Variants in PLPPR1 observed in about 807,000 individuals in gnomAD.
PLPPR1 encodes the protein phospholipid phosphatase related 1, also known as phospholipid phosphatase-related protein type 1.
Under a neutral mutation model 33.1 loss-of-function variants are expected in PLPPR1, and 10 were observed. The ratio of observed to expected loss-of-function variants is 0.30; its 90% CI spans 0.19 to 0.51. PLPPR1 has a LOEUF of 0.51. PLPPR1 is among the 20% of genes least tolerant of loss of function. The probability of loss-of-function intolerance (pLI) is 0.97; values close to 1 mark genes in which losing one functional copy is unlikely to be tolerated. For synonymous variants in PLPPR1, 151 were observed against 151.0 expected, an observed-to-expected ratio of 1.00 and a Z score of 0.00; for missense variants, 304 against 408.1, an observed-to-expected ratio of 0.74 and a Z score of 2.20.
chr9:101,181,839 A>C (rs1282199227), intron 1 of PLPPR1, among the ~76,000 whole-genome samples: 1 of 147,544 alleles, frequency 6.8e-6, no homozygotes, highest in East Asian at 2.0e-4. Flanking sequence ...TAGTATATAT[A>C]TAGTGTGCAT....
intron 4 of PLPPR1, among the ~76,000 whole-genome samples, chr9:101,289,674 T>C (rs1828457846): frequency 1.3e-5 from 2 of 152,228 alleles, no homozygotes; most frequent in Non-Finnish European, 2.9e-5. Flanking sequence ...TCATTTTCTC[T>C]CTTTGCCCAC....
chr9:101,139,887 A>G (rs1233049209), intron 1 of PLPPR1, among the ~76,000 whole-genome samples: 1 of 152,186 alleles, frequency 6.6e-6, no homozygotes, highest in Admixed American at 6.5e-5. Context: ...TTTCAGAACT[A>G]AGGACTGAGG....
At chr9:101,113,054 A>G (rs780486867) in intron 1 of PLPPR1, among the ~76,000 whole-genome samples, 14 of 152,198 alleles carry the variant, frequency 9.2e-5, no homozygotes, top group Non-Finnish European at 1.9e-4. Flanking sequence ...ATCTATTCAC[A>G]GTTGTATATA....
intron 1 of PLPPR1, among the ~76,000 whole-genome samples, chr9:101,056,997 G>A (rs770599697): frequency 3.3e-5 from 5 of 152,080 alleles, no homozygotes; most frequent in Non-Finnish European, 5.9e-5. Context: ...CCTCTGCCCT[G>A]TGTCCCCAGC....
rs1387061567 is a variant in PLPPR1, at chr9:101,188,242, A to G, written c.63+2685A>G. Among the ~76,000 whole-genome samples, 4 of 152,120 alleles carry G rather than the reference A, an allele frequency of 2.6e-5. No homozygotes were observed. In the East Asian group the frequency reaches 5.8e-4, roughly 22 times the overall value. ...CTTATTTTTGTCTCTTTGTGCATAT[A>G]TGCAAGAGCTCTCTTAGTTTGACAC... is the stretch of plus-strand genomic sequence containing the variant. On this transcript the variant is annotated intron_variant, in intron 2 of 7. Coordinates refer to ENST00000374874, the MANE Select transcript of PLPPR1 (RefSeq NM_207299.2).
At chr9:101,243,969 G>A (rs1827533122) in intron 2 of PLPPR1, among the ~76,000 whole-genome samples, 1 of 151,828 alleles carries the variant, frequency 6.6e-6, no homozygotes, top group Non-Finnish European at 1.5e-5. Context: ...TTTGAGGTGT[G>A]CACATGAGGA....
intron 1 of PLPPR1, among the ~76,000 whole-genome samples, chr9:101,058,113 G>C (rs1830300033): frequency 6.6e-6 from 1 of 152,128 alleles, no homozygotes; most frequent in Non-Finnish European, 1.5e-5. Flanking sequence ...CCATGGTTTT[G>C]TGAGCACTGA....
intron 1 of PLPPR1, among the ~76,000 whole-genome samples, chr9:101,142,939 A>G (rs972468313): frequency 1.3e-5 from 2 of 152,162 alleles, no homozygotes; most frequent in African/African-American, 4.8e-5. Flanking sequence ...TGAGGGTATT[A>G]AAAGCTTCTG....
chr9:101,212,268 A>G (rs1371535123), intron 2 of PLPPR1, among the ~76,000 whole-genome samples: 1 of 152,016 alleles, frequency 6.6e-6, no homozygotes, highest in Non-Finnish European at 1.5e-5. Context: ...TTTTTAGTAG[A>G]GATGGGGTTT....
intron 2 of PLPPR1, chr9:101,187,282 C>T (rs1012424259): frequency 6.6e-6 from 1 of 151,752 alleles, no homozygotes; most frequent in Non-Finnish European, 1.5e-5. Flanking sequence ...GGAAGCAACC[C>T]TCAAAGTGAG....
At chr9:101,305,923 A>G (rs1422238253) in intron 4 of PLPPR1, among the ~76,000 whole-genome samples, 1 of 152,202 alleles carries the variant, frequency 6.6e-6, no homozygotes, top group Non-Finnish European at 1.5e-5. Context: ...GATGGGGTCC[A>G]GGTAAAACCC....
intron 4 of PLPPR1, among the ~76,000 whole-genome samples, chr9:101,297,163 T>G (rs1828661892): frequency 6.6e-6 from 1 of 152,176 alleles, no homozygotes; most frequent in Admixed American, 6.5e-5. Flanking sequence ...TTCCATAATT[T>G]TAATTTTTTA....
intron 4 of PLPPR1, among the ~76,000 whole-genome samples, chr9:101,294,129 G>T (rs966010166): frequency 6.6e-6 from 1 of 152,016 alleles, no homozygotes; most frequent in Non-Finnish European, 1.5e-5. Context: ...TATCACCACC[G>T]ATCCCACAGA....
rs1482193303 is a variant in PLPPR1 at position 101,280,217 on chromosome 9, A to C, written c.253-5887A>C. ...AAATAGATAAACTCTAGACATATAC[A>C]ACTTACCAAGATTGAGCCATGAGGA... On this transcript the variant is annotated intron_variant, in intron 3 of 7. Coordinates refer to ENST00000374874, the MANE Select transcript of PLPPR1 (RefSeq NM_207299.2). 2.6e-5 allele frequency among the ~76,000 whole-genome samples: 4 copies of C among 152,264 alleles called. No individual in the cohort carries two copies. The South Asian group carries it at 8.3e-4, about 32-fold the overall frequency.
intron 1 of PLPPR1, among the ~76,000 whole-genome samples, chr9:101,132,294 A>G (rs1831322781): frequency 6.6e-6 from 1 of 152,210 alleles, no homozygotes; most frequent in Non-Finnish European, 1.5e-5. Context: ...CCCTGTAGGA[A>G]AGTGAAGAAA....
chr9:101,311,732 T>C (rs1828959794), intron 5 of PLPPR1, among the ~76,000 whole-genome samples: 1 of 152,190 alleles, frequency 6.6e-6, no homozygotes, highest in African/African-American at 2.4e-5. Flanking sequence ...ATTTCTATTG[T>C]AATACTGTAA....
At position 101,058,635 on chromosome 9, in the gene PLPPR1, C is replaced by T. The variant is rs564122375; in HGVS notation, c.-46+29533C>T. 6.2e-4 allele frequency among the ~76,000 whole-genome samples: 94 copies of T among 152,210 alleles called. 1 individual carries two copies. The highest frequency in any genetic ancestry group is 2.2e-3 in the African/African-American group (93 of 41,528). On this transcript the variant is annotated intron_variant, in intron 1 of 7. Transcript: ENST00000374874. ...TAGCATTTTGTACTTCATAATGATA[C>T]CCAGGATAGCATAACATTTAAATTA...
chr9:101,028,832 A>C lies in PLPPR1; in HGVS notation c.-316A>C, dbSNP rs1294033850. ...GGCAGCGGAGGAAGCAGAGCGCGGG[A>C]TGGGCGCCCAGCGGCATCTGTGATC... On this transcript the variant is annotated 5_prime_UTR_variant, in exon 1 of 8. An upstream start codon of the reference 5' UTR is lost. Transcript: ENST00000374874. The C allele has an allele frequency of 2.0e-5, 3 of 152,430 alleles. No homozygotes were observed. In the East Asian group the frequency reaches 5.8e-4, roughly 29 times the overall value. The allele number at this position is 152,430 out of a possible 1,614,324, so 9.4% of individuals were successfully genotyped here.
At chr9:101,233,208 A>T (rs1372462183) in intron 2 of PLPPR1, among the ~76,000 whole-genome samples, 2 of 152,078 alleles carry the variant, frequency 1.3e-5, no homozygotes, top group Non-Finnish European at 2.9e-5. Flanking sequence ...AATTCTGTTT[A>T]CTACCATAAC....
Sources: gnomAD v4.1 joint callset for allele counts (sites outside exome capture counted in the v4.1 genomes callset) on GRCh38, gnomAD v4.1.1 for gene constraint, MANE v1.5 for transcripts, NCBI Gene and HGNC (gene_info 2026-07-23, HGNC 2026-07-21) for gene names.